The following SNTG1 variants were observed in gnomAD, a reference collection of about 807,000 sequenced individuals.
SNTG1 encodes the protein syntrophin gamma 1, also known as gamma-1-syntrophin.
A neutral mutation model predicts 74.7 loss-of-function variants in SNTG1; 39 were observed. That is an observed-to-expected ratio of 0.52 (90% CI 0.40 to 0.68). The LOEUF is 0.68. Among genes scored for constraint, SNTG1 ranks in the 30% least tolerant of loss-of-function variants. SNTG1 has a pLI of 0.00. For missense variants in SNTG1, 685 were observed against 609.5 expected (o/e 1.12, Z -1.30); for synonymous variants, 254 against 217.1 (o/e 1.17, Z -1.49).
intron 8 of SNTG1, among the ~76,000 whole-genome samples, chr8:50,484,961 T>A (rs1342614991): frequency 6.6e-6 from 1 of 152,174 alleles, no homozygotes; most frequent in Non-Finnish European, 1.5e-5. Context: ...TTGAACTGAG[T>A]ACACTTCATT....
intron 13 of SNTG1, among the ~76,000 whole-genome samples, chr8:50,630,999 T>G (rs900090693): frequency 2.0e-5 from 3 of 152,184 alleles, no homozygotes; most frequent in Non-Finnish European, 4.4e-5. Flanking sequence ...GGGAGAAAGC[T>G]TCCTAGTTTT....
chr8:50,154,623 C>T (rs956169810), intron 1 of SNTG1, among the ~76,000 whole-genome samples: 2 of 152,166 alleles, frequency 1.3e-5, no homozygotes, highest in East Asian at 1.9e-4. Context: ...AAGAAAGATG[C>T]TCATCTCTGT....
At chr8:50,487,338 G>GAT (rs1333841658) in intron 8 of SNTG1, among the ~76,000 whole-genome samples, 7 of 152,140 alleles carry the variant, frequency 4.6e-5, no homozygotes, top group Admixed American at 4.6e-4. Flanking sequence ...CCATTACTGG[G>GAT]TATATACCCA....
chr8:50,029,986 T>A (rs531737264), intron 1 of SNTG1, among the ~76,000 whole-genome samples: 1 of 152,240 alleles, frequency 6.6e-6, no homozygotes, highest in Admixed American at 6.5e-5. Flanking sequence ...GGGTTCCCCA[T>A]TCTTGACATC....
intron 2 of SNTG1, among the ~76,000 whole-genome samples, chr8:50,390,041 C>T (rs2092634028): frequency 1.3e-5 from 2 of 151,942 alleles, no homozygotes; most frequent in Non-Finnish European, 1.5e-5. Context: ...GTTGTCTGTT[C>T]ACTCTGATGG....
At chr8:50,474,898 TA>T (rs1055011099) in intron 8 of SNTG1, among the ~76,000 whole-genome samples, 2 of 151,732 alleles carry the variant, frequency 1.3e-5, no homozygotes, top group Non-Finnish European at 2.9e-5. Context: ...TATGCAGCCA[TA>T]AAAAATGATG....
At chr8:50,609,017 T>C (rs1223297613) in intron 13 of SNTG1, among the ~76,000 whole-genome samples, 1 of 152,046 alleles carries the variant, frequency 6.6e-6, no homozygotes, top group African/African-American at 2.4e-5. Context: ...TTGTTTTTCA[T>C]ATTACATGCA....
At chr8:50,424,166 T>C (rs2093132395) in intron 4 of SNTG1, among the ~76,000 whole-genome samples, 1 of 152,284 alleles carries the variant, frequency 6.6e-6, no homozygotes, top group Admixed American at 6.5e-5. Context: ...GGCATTGCAC[T>C]GCAAATGAAG....
At chr8:50,466,726 C>T (rs2093611504) in intron 8 of SNTG1, among the ~76,000 whole-genome samples, 1 of 151,882 alleles carries the variant, frequency 6.6e-6, no homozygotes, top group African/African-American at 2.4e-5. Context: ...TGTAGTTTTC[C>T]ACATATAATT....
intron 1 of SNTG1, among the ~76,000 whole-genome samples, chr8:50,113,827 T>G (rs551396680): frequency 6.6e-6 from 1 of 152,210 alleles, no homozygotes; most frequent in African/African-American, 2.4e-5. Flanking sequence ...AGTTAATGGG[T>G]GCAGCACACC....
At chr8:50,257,842 C>T (rs1327209598) in intron 2 of SNTG1, among the ~76,000 whole-genome samples, 1 of 152,158 alleles carries the variant, frequency 6.6e-6, no homozygotes, top group Non-Finnish European at 1.5e-5. Context: ...GACTGTAGAA[C>T]AATTATGCCC....
chr8:50,339,402 A>T (rs2091251681), intron 2 of SNTG1, among the ~76,000 whole-genome samples: 1 of 152,036 alleles, frequency 6.6e-6, no homozygotes. Flanking sequence ...TTTATATTTA[A>T]TTTAGCTAAC....
intron 4 of SNTG1, among the ~76,000 whole-genome samples, chr8:50,425,258 A>C (rs62517645): frequency 6.6e-6 from 1 of 151,484 alleles, no homozygotes; most frequent in Non-Finnish European, 1.5e-5. Context: ...GCAGGAGGTG[A>C]CTGCTGCTGG....
At chr8:50,214,703 CT>C (rs1586720582) in intron 2 of SNTG1, among the ~76,000 whole-genome samples, 1 of 152,100 alleles carries the variant, frequency 6.6e-6, no homozygotes, top group East Asian at 1.9e-4. Context: ...GCCTATATCT[CT>C]AATAACAGTG....
chr8:50,244,824 C>G (rs760172489), intron 2 of SNTG1, among the ~76,000 whole-genome samples: 17 of 152,142 alleles, frequency 1.1e-4, no homozygotes, highest in Non-Finnish European at 2.4e-4. Flanking sequence ...GCTTGGCGAT[C>G]ACAGAATAGA....
intron 17 of SNTG1, among the ~76,000 whole-genome samples, chr8:50,726,043 T>A (rs968006368): frequency 6.6e-6 from 1 of 152,184 alleles, no homozygotes; most frequent in African/African-American, 2.4e-5. Flanking sequence ...CATTTTATCC[T>A]TCTTCAGTGC....
intron 15 of SNTG1, among the ~76,000 whole-genome samples, chr8:50,690,434 T>C (rs1040422467): frequency 6.6e-6 from 1 of 152,206 alleles, no homozygotes; most frequent in Non-Finnish European, 1.5e-5. Flanking sequence ...TCCCAGAGTT[T>C]CTGGTATGTT....
chr8:50,466,770 C>T (rs761248545), intron 8 of SNTG1, among the ~76,000 whole-genome samples: 85 of 151,982 alleles, frequency 5.6e-4, no homozygotes, highest in Admixed American at 1.6e-3. Flanking sequence ...GACCCAGGTA[C>T]ATCAATTATT....
At chr8:50,320,314 G>A (rs997668230) in intron 2 of SNTG1, among the ~76,000 whole-genome samples, 2 of 152,082 alleles carry the variant, frequency 1.3e-5, no homozygotes, top group South Asian at 2.1e-4. Context: ...GCTTATAGAA[G>A]CCACAAATGA....
Sources: gnomAD v4.1 joint callset for allele counts (sites outside exome capture counted in the v4.1 genomes callset) on GRCh38, gnomAD v4.1.1 for gene constraint, MANE v1.5 for transcripts, NCBI Gene and HGNC (gene_info 2026-07-23, HGNC 2026-07-21) for gene names.